The following CABCOCO1 variants were observed in gnomAD, a reference collection of about 807,000 sequenced individuals.
The protein encoded by CABCOCO1 is ciliary-associated calcium-binding coiled-coil protein 1.
Under a neutral mutation model 35.7 loss-of-function variants are expected in CABCOCO1, and 28 were observed. The ratio of observed to expected loss-of-function variants is 0.78; its 90% CI spans 0.58 to 1.07. The LOEUF (loss-of-function observed/expected upper bound fraction) is 1.07, where lower values mean the gene tolerates loss of function less well. Among genes scored for constraint, CABCOCO1 ranks in the 50% least tolerant of loss-of-function variants. CABCOCO1 has a pLI of 0.00. For missense variants in CABCOCO1, 326 were observed against 309.2 expected (o/e 1.05, Z -0.41); for synonymous variants, 95 against 100.1 (o/e 0.95, Z 0.30).
rs191825266 is a variant in CABCOCO1 at position 61,750,303 on chromosome 10, G to T, written c.553-9756G>T. Reference sequence around the variant, plus strand: ...TAAAAATAACTACTGGGCCAGGGGTGCAGTGGCTCATGCCTGTCATCCCAG... The same window carrying T: ...TAAAAATAACTACTGGGCCAGGGGTTCAGTGGCTCATGCCTGTCATCCCAG... On this transcript the variant is annotated intron_variant, in intron 5 of 7. Coordinates refer to ENST00000648843, the MANE Select transcript of CABCOCO1 (RefSeq NM_001366906.2). 8.5e-4 allele frequency among the ~76,000 whole-genome samples: 129 copies of T among 152,330 alleles called. 1 individual carries two copies. The highest frequency in any genetic ancestry group is 1.7e-3 in the Non-Finnish European group (115 of 68,032).
intron 4 of CABCOCO1, 114 bp downstream of exon 4, chr10:61,686,299 C>T: frequency 1.1e-6 from 1 of 882,648 alleles, no homozygotes; most frequent in Non-Finnish European, 1.6e-6. Context: ...GAATTTATGC[C>T]ATAATTAGCC....
intron 5 of CABCOCO1, among the ~76,000 whole-genome samples, chr10:61,746,166 C>A (rs906954712): frequency 1.3e-5 from 2 of 152,126 alleles, no homozygotes; most frequent in South Asian, 4.1e-4. Flanking sequence ...ATAATAATCA[C>A]AATAAATATA....
chr10:61,710,782 C>T (rs531542767), intron 5 of CABCOCO1, among the ~76,000 whole-genome samples: 1 of 151,850 alleles, frequency 6.6e-6, no homozygotes, highest in Admixed American at 6.6e-5. Flanking sequence ...GGAATCAAAA[C>T]TCTGAATATG....
intron 5 of CABCOCO1, among the ~76,000 whole-genome samples, chr10:61,721,137 G>A (rs1216961038): frequency 1.3e-5 from 2 of 151,496 alleles, no homozygotes; most frequent in African/African-American, 4.9e-5. Context: ...TGTTAGCCAG[G>A]ATGGTCTCGA....
At chr10:61,705,235 G>A (rs1840566067) in intron 5 of CABCOCO1, among the ~76,000 whole-genome samples, 1 of 152,166 alleles carries the variant, frequency 6.6e-6, no homozygotes, top group Admixed American at 6.5e-5. Flanking sequence ...ACAGGAAGAA[G>A]CATACATTTT....
chr10:61,684,069 A>G (rs1739601624), intron 3 of CABCOCO1, among the ~76,000 whole-genome samples: 1 of 152,094 alleles, frequency 6.6e-6, no homozygotes, highest in Non-Finnish European at 1.5e-5. Context: ...CAGATTTTTC[A>G]TTTCTGAAGC....
At chr10:61,748,993 A>T (rs1347956335) in intron 5 of CABCOCO1, among the ~76,000 whole-genome samples, 1 of 152,234 alleles carries the variant, frequency 6.6e-6, no homozygotes, top group South Asian at 2.1e-4. Context: ...CTTTAAAATT[A>T]TATCAGCCAT....
chr10:61,676,914 T>C (rs557634282), intron 2 of CABCOCO1, among the ~76,000 whole-genome samples: 28 of 151,590 alleles, frequency 1.8e-4, no homozygotes, highest in African/African-American at 6.5e-4. Flanking sequence ...ACAAAAAAAA[T>C]TTAGCCGAGC....
At chr10:61,747,032 G>T (rs1401574813) in intron 5 of CABCOCO1, among the ~76,000 whole-genome samples, 1 of 152,020 alleles carries the variant, frequency 6.6e-6, no homozygotes, top group African/African-American at 2.4e-5. Flanking sequence ...GTGAAGTTCA[G>T]ATATATAACA....
At chr10:61,664,355 C>A (rs924028816) in intron 1 of CABCOCO1, among the ~76,000 whole-genome samples, 27 of 152,056 alleles carry the variant, frequency 1.8e-4, no homozygotes, top group Admixed American at 1.3e-4. Flanking sequence ...TAGACCATGT[C>A]CTTTCCAAAA....
rs745447908 is a variant in CABCOCO1, at chr10:61,760,960, C to T, written c.773C>T (p.Ser258Leu). The T allele has an allele frequency of 6.2e-7, 1 of 1,612,650 alleles. No homozygotes were observed. The highest frequency in any genetic ancestry group is 8.5e-7 in the Non-Finnish European group (1 of 1,179,128). The change falls in exon 7 of 8, where the codon TCA becomes TTA. Residue 258 changes from serine (S) to leucine (L), a missense_variant. Physicochemically the swap from Ser to Leu is moderately radical, Grantham distance 145. Transcript: ENST00000648843. ...LVGFTIEDVK[S>L]VLDQVTDDIL... Reference sequence around the variant, plus strand: ...GGTTTTACCATTGAAGATGTAAAATCAGTGCTGGATCAAGTCACAGATGAC... The same window carrying T: ...GGTTTTACCATTGAAGATGTAAAATTAGTGCTGGATCAAGTCACAGATGAC...
At chr10:61,680,674 A>G (rs1839740008) in intron 2 of CABCOCO1, among the ~76,000 whole-genome samples, 1 of 77,880 alleles carries the variant, frequency 1.3e-5, no homozygotes, top group African/African-American at 5.1e-5. Flanking sequence ...TGTATAACAT[A>G]TATGTTATAC....
At chr10:61,726,852 G>T (rs532394119) in intron 5 of CABCOCO1, among the ~76,000 whole-genome samples, 1 of 148,750 alleles carries the variant, frequency 6.7e-6, no homozygotes, top group Non-Finnish European at 1.5e-5. Context: ...GAGGTCAGGA[G>T]TTCGAGACCA....
At chr10:61,666,998 A>G (rs1326708201) in intron 1 of CABCOCO1, among the ~76,000 whole-genome samples, 1 of 142,032 alleles carries the variant, frequency 7.0e-6, no homozygotes. Flanking sequence ...TATATATTAT[A>G]TATAAATTTC....
chr10:61,667,029 A>T lies in CABCOCO1; in HGVS notation c.60+3997A>T, dbSNP rs544959982. 3.2e-3 allele frequency among the ~76,000 whole-genome samples: 405 copies of T among 126,232 alleles called. 10 individuals are homozygous for T. Among genetic ancestry groups the T allele is most frequent in the East Asian group, 0.028 (129 of 4,582 alleles). 82.8% of individuals were successfully genotyped at this position (126,232 alleles called of 152,430 possible). ...ATTTCATATAGTATATATAAATATA[A>T]TTATATTATATATAAATTTCATATA... On this transcript the variant is annotated intron_variant, in intron 1 of 7. Transcript: ENST00000648843.
rs71018993 is a variant in CABCOCO1 at position 61,682,889 on chromosome 10, C to CTT, written c.334+1591_334+1592dup. ...CCAGGAGTTAGTTTCACATGAATTTCTTTTTTTTTTTTTTTAAGACAGATT... is the reference window on the plus strand; with the variant it reads ...CCAGGAGTTAGTTTCACATGAATTTCTTTTTTTTTTTTTTTTTAAGACAGATT... On this transcript the variant is annotated intron_variant, in intron 3 of 7. Transcript: ENST00000648843. 5.5e-5 allele frequency among the ~76,000 whole-genome samples: 7 copies of CTT among 128,200 alleles called. No homozygotes were observed. In the Admixed American group the frequency reaches 5.5e-4, roughly 10 times the overall value. The allele number at this position is 128,200 out of a possible 152,430, so 84.1% of individuals were successfully genotyped here. A position where few individuals can be genotyped will look rare whatever the true frequency, so the allele number is the denominator to read the frequency against.
At chr10:61,765,626 T>G (rs989217072) in intron 7 of CABCOCO1, among the ~76,000 whole-genome samples, 1 of 152,202 alleles carries the variant, frequency 6.6e-6, no homozygotes, top group African/African-American at 2.4e-5. Flanking sequence ...TCTGATTCAG[T>G]GCTTATTGGT....
chr10:61,723,071 A>G (rs1251693391), intron 5 of CABCOCO1, among the ~76,000 whole-genome samples: 3 of 152,252 alleles, frequency 2.0e-5, no homozygotes, highest in Non-Finnish European at 4.4e-5. Flanking sequence ...TTCACTTCTG[A>G]ATATTGGTAC....
chr10:61,727,781 G>GT (rs1184603200), intron 5 of CABCOCO1, among the ~76,000 whole-genome samples: 1 of 152,066 alleles, frequency 6.6e-6, no homozygotes, highest in Non-Finnish European at 1.5e-5. Flanking sequence ...CACCTAACTG[G>GT]TAATATTTTT....
Sources: allele counts gnomAD v4.1 joint callset (sites outside exome capture counted in the v4.1 genomes callset), GRCh38; gene constraint gnomAD v4.1.1; transcripts MANE v1.5; gene names NCBI Gene and HGNC (gene_info 2026-07-23, HGNC 2026-07-21).